Variants in SCRG1 observed in about 807,000 individuals in gnomAD.
The protein encoded by SCRG1 is stimulator of chondrogenesis 1.
In SCRG1, 3 loss-of-function variants were observed where a neutral mutation model predicts 7.7. That is an observed-to-expected ratio of 0.39 (90% CI 0.18 to 1.01). The LOEUF is 1.01. SCRG1 is among the 50% of genes least tolerant of loss of function. The pLI is 0.36. For synonymous variants in SCRG1, 46 were observed against 41.2 expected (o/e 1.12, Z -0.44); for missense variants, 110 against 117.2 (o/e 0.94, Z 0.28).
At chr4:173,446,230 G>A in the SCRG1 span, among the ~76,000 whole-genome samples, 1 of 152,074 alleles carries the variant, frequency 6.6e-6, no homozygotes, top group African/African-American at 2.4e-5. Context: ...GGGTCTATAA[G>A]GTCAAAACCA....
At chr4:173,484,940 A>AT in the SCRG1 span, among the ~76,000 whole-genome samples, 1 of 63,248 alleles carries the variant, frequency 1.6e-5, no homozygotes, top group African/African-American at 6.5e-5. Flanking sequence ...ATTATATTAT[A>AT]TATTATATAT....
chr4:173,397,746 T>C (rs938052587), intron 1 of SCRG1, among the ~76,000 whole-genome samples: 1 of 152,228 alleles, frequency 6.6e-6, no homozygotes, highest in Non-Finnish European at 1.5e-5. Context: ...AACAGGACCA[T>C]GCAGTTTAAG....
chr4:173,482,682 G>C, the SCRG1 span, among the ~76,000 whole-genome samples: 1 of 151,502 alleles, frequency 6.6e-6, no homozygotes, highest in Admixed American at 6.6e-5. Flanking sequence ...GCCAGGTGTG[G>C]TGATGTGTGC....
chr4:173,406,092 T>G (rs1226537833), intron 1 of SCRG1, among the ~76,000 whole-genome samples: 1 of 152,270 alleles, frequency 6.6e-6, no homozygotes, highest in Non-Finnish European at 1.5e-5. Flanking sequence ...TTTATTCTGA[T>G]GCCTCCAACT....
At chr4:173,512,496 G>T in the SCRG1 span, among the ~76,000 whole-genome samples, 1 of 152,228 alleles carries the variant, frequency 6.6e-6, no homozygotes, top group East Asian at 1.9e-4. Flanking sequence ...AAGTGCACAC[G>T]CAGAGAAAGT....
chr4:173,467,667 C>T, the SCRG1 span, among the ~76,000 whole-genome samples: 2 of 152,106 alleles, frequency 1.3e-5, no homozygotes, highest in Non-Finnish European at 2.9e-5. Context: ...TAAAATGGTC[C>T]TTTGAGGTTT....
chr4:173,419,880 A>G, the SCRG1 span: 12 of 1,013,518 alleles, frequency 1.2e-5, no homozygotes, highest in Non-Finnish European at 1.7e-5. Flanking sequence ...CCAGTACAAT[A>G]CGCTGCAGCA....
At chr4:173,388,640 G>A (rs1422792815) in intron 2 of SCRG1, among the ~76,000 whole-genome samples, 2 of 152,100 alleles carry the variant, frequency 1.3e-5, no homozygotes, top group East Asian at 3.8e-4. Flanking sequence ...CGAAGAAAAA[G>A]AAATATTAGG....
chr4:173,476,788 T>C, the SCRG1 span, among the ~76,000 whole-genome samples: 1 of 151,846 alleles, frequency 6.6e-6, no homozygotes, highest in Non-Finnish European at 1.5e-5. Context: ...ACCACAGCAC[T>C]CCAGCCTGGG....
intron 1 of SCRG1, among the ~76,000 whole-genome samples, chr4:173,405,629 T>C (rs1364155839): frequency 2.0e-5 from 3 of 152,230 alleles, no homozygotes; most frequent in Non-Finnish European, 4.4e-5. Flanking sequence ...CTCATGTATA[T>C]TTATTCTATA....
At chr4:173,460,361 C>T in the SCRG1 span, among the ~76,000 whole-genome samples, 3 of 152,218 alleles carry the variant, frequency 2.0e-5, no homozygotes, top group Admixed American at 1.3e-4. Context: ...GGCATCACCC[C>T]TCCTCTAGTC....
chr4:173,505,895 T>C, the SCRG1 span, among the ~76,000 whole-genome samples: 1 of 152,160 alleles, frequency 6.6e-6, no homozygotes, highest in Non-Finnish European at 1.5e-5. This position sits in a 1 kb window ranked among gnomAD's most constrained non-coding sequence, Gnocchi z 4.4. Context: ...TAAGGGTGGG[T>C]GGTCCCTTCT....
At chr4:173,483,305 T>C in the SCRG1 span, among the ~76,000 whole-genome samples, 25 of 57,646 alleles carry the variant, frequency 4.3e-4, no homozygotes, top group African/African-American at 1.8e-3. Flanking sequence ...TATGATATAT[T>C]ATATATTACA....
upstream of SCRG1, among the ~76,000 whole-genome samples, chr4:173,400,517 G>A (rs898687668): frequency 6.6e-6 from 1 of 152,098 alleles, no homozygotes; most frequent in African/African-American, 2.4e-5. Context: ...GAAAAAGCCT[G>A]GTCTAGAGAA....
chr4:173,476,354 GAAA>G, the SCRG1 span, among the ~76,000 whole-genome samples: 1 of 70,160 alleles, frequency 1.4e-5, no homozygotes, highest in African/African-American at 5.1e-5. Context: ...CTCTGAGGGG[GAAA>G]AAAAAAATAT....
At chr4:173,448,216 G>A in the SCRG1 span, among the ~76,000 whole-genome samples, 3 of 152,286 alleles carry the variant, frequency 2.0e-5, no homozygotes, top group African/African-American at 7.2e-5. Flanking sequence ...ATTTTGCTCT[G>A]GCTTCTGTAG....
At chr4:173,438,395 T>C in the SCRG1 span, among the ~76,000 whole-genome samples, 24 of 152,166 alleles carry the variant, frequency 1.6e-4, no homozygotes, top group Admixed American at 2.0e-4. Flanking sequence ...ATTGCTGGGA[T>C]AACAGGCGTA....
the SCRG1 span, among the ~76,000 whole-genome samples, chr4:173,470,260 A>G: frequency 6.6e-6 from 1 of 151,966 alleles, no homozygotes; most frequent in African/African-American, 2.4e-5. Context: ...ACAGAAGATA[A>G]CAAGACTTTT....
the SCRG1 span, among the ~76,000 whole-genome samples, chr4:173,495,772 A>G: frequency 6.6e-6 from 1 of 152,236 alleles, no homozygotes; most frequent in Non-Finnish European, 1.5e-5. Context: ...TATCATGGAC[A>G]ATTACTGTGT....
Sources: allele counts gnomAD v4.1 joint callset (sites outside exome capture counted in the v4.1 genomes callset), GRCh38; gene constraint gnomAD v4.1.1; non-coding constraint Gnocchi (gnomAD v3.1); transcripts MANE v1.5; gene names NCBI Gene and HGNC (gene_info 2026-07-23, HGNC 2026-07-21).